Variants in KRIT1 observed in about 807,000 individuals in gnomAD.
KRIT1 encodes the protein krev interaction trapped protein 1.
KRIT1 carries 45 observed loss-of-function variants against 95.8 expected under a neutral mutation model. The observed-to-expected ratio is 0.47, with a 90% CI of 0.37 to 0.60. The LOEUF is 0.60. Among genes scored for constraint, KRIT1 ranks in the 20% least tolerant of loss-of-function variants. KRIT1 has a pLI of 0.00. For synonymous variants in KRIT1, 282 were observed against 278.8 expected, an observed-to-expected ratio of 1.01 and a Z score of -0.11; for missense variants, 788 against 877.5, an observed-to-expected ratio of 0.90 and a Z score of 1.29.
At chr7:92,224,742 T>C (rs553314143) in intron 12 of KRIT1, among the ~76,000 whole-genome samples, 2 of 152,272 alleles carry the variant, frequency 1.3e-5, no homozygotes, top group Non-Finnish European at 2.9e-5. Context: ...AGGAGGAAAA[T>C]GAGTCTGTTA....
At chr7:92,211,835 G>A (rs952166029) in intron 17 of KRIT1, among the ~76,000 whole-genome samples, 14 of 152,030 alleles carry the variant, frequency 9.2e-5, no homozygotes, top group Non-Finnish European at 1.6e-4. Context: ...GTTCATGCTT[G>A]TAATCCCAGC....
intron 14 of KRIT1, among the ~76,000 whole-genome samples, chr7:92,216,655 A>G (rs934356317): frequency 1.3e-5 from 2 of 152,206 alleles, no homozygotes; most frequent in African/African-American, 4.8e-5. Flanking sequence ...AAAATGGTTC[A>G]CAAAGAAAGT....
At position 92,235,628 on chromosome 7, in the gene KRIT1, A is replaced by G; in HGVS notation, c.504T>C (p.His168=). The change falls in exon 8 of 19, where the codon CAT becomes CAC. Residue 168 remains histidine (H), a synonymous_variant. Transcript: ENST00000394505. The part of the protein sequence containing the change: ...IALDKWLDER[H]AQSHFIPALF... Reference sequence around the variant, plus strand: ...AAGCTGGAATAAAGTGAGATTGTGCATGACGTTCATCTAACCACCTGGCAA... The same window carrying G: ...AAGCTGGAATAAAGTGAGATTGTGCGTGACGTTCATCTAACCACCTGGCAA... 1 of 1,613,926 alleles carries G rather than the reference A, an allele frequency of 6.2e-7. No individual in the cohort carries two copies.
chr7:92,205,121 C>G lies in KRIT1; in HGVS notation c.2026-3698G>C, dbSNP rs914744939. On this transcript the variant is annotated intron_variant, in intron 17 of 18. Transcript: ENST00000394505. ...CAGCACTTTGGGAGGGCGAGGCAGTCGGATCACCTGAGGTCAGGTGTTCGA... is the reference window on the plus strand; with the variant it reads ...CAGCACTTTGGGAGGGCGAGGCAGTGGGATCACCTGAGGTCAGGTGTTCGA... 1.3e-5 allele frequency among the ~76,000 whole-genome samples: 2 copies of G among 152,072 alleles called. 1 individual carries two copies. The highest frequency in any genetic ancestry group is 4.1e-4 in the South Asian group (2 of 4,824).
chr7:92,214,524 A>T, intron 15 of KRIT1, 87 bp downstream of exon 15: 1 of 980,852 alleles, frequency 1.0e-6, no homozygotes, highest in Non-Finnish European at 1.6e-6. Context: ...GTAATGTATA[A>T]ATATTTTCTA....
rs1789901685 is a variant in KRIT1, at chr7:92,200,478, CT to C, written c.*257del. 2 of 436,208 alleles carry C rather than the reference CT, an allele frequency of 4.6e-6. No homozygotes were observed. Among genetic ancestry groups the C allele is most frequent in the African/African-American group, 4.0e-5 (2 of 49,514 alleles). 27.0% of individuals were successfully genotyped at this position (436,208 alleles called of 1,614,324 possible). A position where few individuals can be genotyped will look rare whatever the true frequency, so the allele number is the denominator to read the frequency against. On this transcript the variant is annotated 3_prime_UTR_variant, in exon 19 of 19. Coordinates refer to ENST00000394505, the MANE Select transcript of KRIT1 (RefSeq NM_194454.3). ...TAAGCGATCTCCCACCTTGGCCTCC[CT>C]AGTAGCTAGGATTATAGGCGCCCGC... is the stretch of plus-strand genomic sequence containing the variant.
At chr7:92,229,532 T>C (rs965119438) in intron 10 of KRIT1, among the ~76,000 whole-genome samples, 2 of 152,100 alleles carry the variant, frequency 1.3e-5, no homozygotes, top group Non-Finnish European at 2.9e-5. Context: ...CCAAGAGACA[T>C]ATGAAAAAAA....
chr7:92,244,677 A>G (rs1800470646), intron 2 of KRIT1, among the ~76,000 whole-genome samples: 1 of 152,240 alleles, frequency 6.6e-6, no homozygotes, highest in South Asian at 2.1e-4. Context: ...GAAAATGAGT[A>G]GCTTGAACTA....
chr7:92,245,172 C>G lies in KRIT1; in HGVS notation c.-420-1G>C, dbSNP rs141731946. 1 of 151,832 alleles carries G rather than the reference C, an allele frequency of 6.6e-6. No homozygotes were observed. The highest frequency in any genetic ancestry group is 1.5e-5 in the Non-Finnish European group (1 of 67,978). The allele number at this position is 151,832 out of a possible 1,614,324, so 9.4% of individuals were successfully genotyped here. On this transcript the variant is annotated splice_acceptor_variant, in intron 1 of 18. Coordinates refer to ENST00000394505, the MANE Select transcript of KRIT1 (RefSeq NM_194454.3). LOFTEE classifies it low-confidence loss of function (5UTR_SPLICE). ...AGAAAAAGCGATGAAAGCCAAAAAC[C>G]TTAAAAGGTGGAGAAAAGTGTAGAG...
At chr7:92,214,897 GC>G in intron 14 of KRIT1, 120 bp from the exon 15 acceptor site, 1 of 712,946 alleles carries the variant, frequency 1.4e-6, no homozygotes, top group African/African-American at 1.8e-5. Context: ...ACTGTTTTGA[GC>G]AGAGGTTGGC....
intron 11 of KRIT1, among the ~76,000 whole-genome samples, chr7:92,226,265 G>A (rs1476436412): frequency 1.3e-5 from 2 of 151,750 alleles, no homozygotes; most frequent in Non-Finnish European, 2.9e-5. Flanking sequence ...TGAACTGTAC[G>A]CCTAAAAATA....
In KRIT1 at chr7:92,245,894, C is replaced by G. The variant is rs571563061; in HGVS notation, c.-525G>C. The G allele has an allele frequency of 1.7e-5, 4 of 234,192 alleles. No individual in the cohort carries two copies. Among genetic ancestry groups the G allele is most frequent in the African/African-American group, 2.4e-5 (1 of 41,808 alleles). 14.5% of individuals were successfully genotyped at this position (234,192 alleles called of 1,614,324 possible). A position where few individuals can be genotyped will look rare whatever the true frequency, so the allele number is the denominator to read the frequency against. On this transcript the variant is annotated 5_prime_UTR_variant, in exon 1 of 19. Transcript: ENST00000394505. ...GGTCTTCAAAGGCCTTAGCTTTCCA[C>G]CCCGCCGTTACCGTGGCTATGAAAT... is the stretch of plus-strand genomic sequence containing the variant.
At chr7:92,218,505 T>G (rs1794462223) in intron 14 of KRIT1, among the ~76,000 whole-genome samples, 1 of 151,772 alleles carries the variant, frequency 6.6e-6, no homozygotes, top group Non-Finnish European at 1.5e-5. Context: ...CTCAGTCTCC[T>G]GAGTAGCTGG....
At chr7:92,206,213 TGAC>T (rs1791455161) in intron 17 of KRIT1, 1 of 152,768 alleles carries the variant, frequency 6.5e-6, no homozygotes. Context: ...TCAGAGGGCC[TGAC>T]GACAGGCCTG....
At position 92,214,791 on chromosome 7, in the gene KRIT1, G is replaced by A. The variant is rs1034619523; in HGVS notation, c.1564-14C>T. On this transcript the variant is annotated splice_polypyrimidine_tract_variant and intron_variant, in intron 14 of 18. Transcript: ENST00000394505. The stretch of plus-strand genomic sequence containing the variant: ...TGGGTCTTCAATCTTAAAGGAAAAA[G>A]TATAATTTGGTTATTAGGCTACAAT... The A allele has an allele frequency of 1.3e-6, 2 of 1,549,720 alleles. No individual in the cohort carries two copies. Among genetic ancestry groups the A allele is most frequent in the South Asian group, 1.1e-5 (1 of 89,414 alleles).
chr7:92,215,148 A>G (rs1793691310), intron 14 of KRIT1, among the ~76,000 whole-genome samples: 1 of 152,170 alleles, frequency 6.6e-6, no homozygotes. Flanking sequence ...CGTAAAAAAA[A>G]TCATCTTGTG....
intron 5 of KRIT1, among the ~76,000 whole-genome samples, chr7:92,238,752 C>T (rs1364409367): frequency 2.0e-5 from 3 of 152,114 alleles, no homozygotes; most frequent in Admixed American, 6.5e-5. Context: ...GTCAGTGGGG[C>T]AGGGAAGCAC....
chr7:92,211,586 C>T (rs976258628), intron 17 of KRIT1, among the ~76,000 whole-genome samples: 16 of 151,852 alleles, frequency 1.1e-4, no homozygotes, highest in Non-Finnish European at 1.5e-4. Context: ...AATAAGTTGC[C>T]GTGTTTCATA....
In KRIT1 at chr7:92,244,989, G is replaced by A. The variant is rs1800561527; in HGVS notation, c.-238C>T. 2 of 152,102 alleles carry A rather than the reference G, an allele frequency of 1.3e-5. No individual in the cohort carries two copies. The highest frequency in any genetic ancestry group is 2.9e-5 in the Non-Finnish European group (2 of 68,060). 9.4% of individuals were successfully genotyped at this position (152,102 alleles called of 1,614,324 possible). ...GTACAACTGCCATTTAGTGTCCATG[G>A]AACAGGTTTGCTAACATCCTCTTAG... On this transcript the variant is annotated 5_prime_UTR_variant, in exon 2 of 19. Transcript: ENST00000394505.
Sources: gnomAD v4.1 joint callset for allele counts (sites outside exome capture counted in the v4.1 genomes callset) on GRCh38, gnomAD v4.1.1 for gene constraint, MANE v1.5 for transcripts, NCBI Gene and HGNC (gene_info 2026-07-23, HGNC 2026-07-21) for gene names.